SLC16A7: variants seen among roughly 807,000 people sequenced by gnomAD.
SLC16A7 encodes solute carrier family 16 member 7, also known as monocarboxylate transporter 2.
SLC16A7 carries 33 observed loss-of-function variants against 34.9 expected under a neutral mutation model. The observed-to-expected ratio is 0.94, with a 90% CI of 0.72 to 1.26. The LOEUF (loss-of-function observed/expected upper bound fraction) is 1.26. Ranked by LOEUF, SLC16A7 falls within the 50% of genes most tolerant of loss-of-function variation. The pLI is 0.00. For missense variants in SLC16A7, 573 were observed against 578.1 expected, an observed-to-expected ratio of 0.99 and a Z score of 0.09; for synonymous variants, 201 against 206.6, an observed-to-expected ratio of 0.97 and a Z score of 0.23.
At chr12:59,650,896 G>T (rs1416991898) in intron 1 of SLC16A7, among the ~76,000 whole-genome samples, 3 of 152,260 alleles carry the variant, frequency 2.0e-5, no homozygotes, top group East Asian at 1.9e-4. Context: ...AAATAAAATT[G>T]CTAAAAGCTC....
rs201152606 is a variant in SLC16A7, at chr12:59,704,858, T to C, written c.57T>C (p.Gly19=). 5 of 1,613,754 alleles carry C rather than the reference T, an allele frequency of 3.1e-6. No individual in the cohort carries two copies. The highest frequency in any genetic ancestry group is 4.2e-6 in the Non-Finnish European group (5 of 1,179,834). ...PVHPPPDGGW[G]WIVVGAAFIS... Reference sequence around the variant, plus strand: ...ATCCACCTCCAGATGGAGGATGGGGTTGGATTGTGGTTGGAGCAGCTTTTA... The same window carrying C: ...ATCCACCTCCAGATGGAGGATGGGGCTGGATTGTGGTTGGAGCAGCTTTTA... Residue 19 remains glycine, a synonymous_variant, in exon 3 of 6, where the codon GGT becomes GGC. Transcript: ENST00000547379.
intron 3 of SLC16A7, among the ~76,000 whole-genome samples, chr12:59,740,987 A>C (rs560092484): frequency 6.6e-6 from 1 of 152,214 alleles, no homozygotes; most frequent in Non-Finnish European, 1.5e-5. Flanking sequence ...TAAAATACCT[A>C]GGAATCCAAT....
intron 1 of SLC16A7, among the ~76,000 whole-genome samples, chr12:59,651,156 A>C (rs548338927): frequency 4.7e-4 from 72 of 152,274 alleles, no homozygotes; most frequent in Non-Finnish European, 9.7e-4. Context: ...TCAATACACC[A>C]CTAAACAAAT....
chr12:59,738,636 G>T (rs879177606), intron 3 of SLC16A7, among the ~76,000 whole-genome samples: 1 of 152,024 alleles, frequency 6.6e-6, no homozygotes, highest in Admixed American at 6.6e-5. Flanking sequence ...TCTTAACAAG[G>T]GTTTATGGCA....
chr12:59,635,376 T>C (rs1342524310), intron 1 of SLC16A7, among the ~76,000 whole-genome samples: 1 of 152,070 alleles, frequency 6.6e-6, no homozygotes, highest in Admixed American at 6.6e-5. Context: ...GAAATCTGGC[T>C]GAAACAAATT....
At chr12:59,759,527 C>T (rs551577438) in intron 3 of SLC16A7, among the ~76,000 whole-genome samples, 42 of 151,946 alleles carry the variant, frequency 2.8e-4, no homozygotes, top group African/African-American at 6.7e-4. Flanking sequence ...TTTTTATTTA[C>T]GTCCCAATGT....
chr12:59,745,627 A>T (rs1300409905), intron 3 of SLC16A7, among the ~76,000 whole-genome samples: 1 of 152,240 alleles, frequency 6.6e-6, no homozygotes, highest in Non-Finnish European at 1.5e-5. Context: ...AACATGCCAT[A>T]ATATAGAACT....
chr12:59,748,500 C>A (rs1386258342), intron 3 of SLC16A7, among the ~76,000 whole-genome samples: 1 of 152,080 alleles, frequency 6.6e-6, no homozygotes, highest in African/African-American at 2.4e-5. Flanking sequence ...AAAAAATGGG[C>A]TCTCAGAGTT....
intron 1 of SLC16A7, among the ~76,000 whole-genome samples, chr12:59,653,122 A>G (rs1190924756): frequency 2.6e-5 from 4 of 151,894 alleles, no homozygotes; most frequent in Admixed American, 2.6e-4. Flanking sequence ...TCTTTAAGAC[A>G]AATGAAACTT....
In SLC16A7 at chr12:59,614,178, G is replaced by A. The variant is rs117220737; in HGVS notation, c.-130+17942G>A. On this transcript the variant is annotated intron_variant, in intron 1 of 5. Coordinates refer to ENST00000547379, the MANE Select transcript of SLC16A7 (RefSeq NM_001270623.2). Reference sequence around the variant, plus strand: ...CTATTCGTGTGCCTCAGCCTCCTGAGTAACTGTGGCTACATGTGCTATTAA... The same window carrying A: ...CTATTCGTGTGCCTCAGCCTCCTGAATAACTGTGGCTACATGTGCTATTAA... Among the ~76,000 whole-genome samples, 11 of 151,944 alleles carry A rather than the reference G, an allele frequency of 7.2e-5. No homozygotes were observed. The East Asian group carries it at 2.2e-3, about 30-fold the overall frequency.
chr12:59,707,885 C>A (rs1873770220), intron 3 of SLC16A7, among the ~76,000 whole-genome samples: 1 of 152,108 alleles, frequency 6.6e-6, no homozygotes, highest in Admixed American at 6.6e-5. Context: ...ATTCTGCTCA[C>A]CTTTGGTCCT....
intron 2 of SLC16A7, among the ~76,000 whole-genome samples, chr12:59,697,958 G>T (rs958749616): frequency 2.6e-5 from 4 of 151,508 alleles, no homozygotes; most frequent in African/African-American, 9.7e-5. Flanking sequence ...TGAGAACTTG[G>T]GGTACAATAA....
chr12:59,721,724 A>T (rs1291095204), intron 3 of SLC16A7, among the ~76,000 whole-genome samples: 1 of 152,000 alleles, frequency 6.6e-6, no homozygotes, highest in East Asian at 1.9e-4. Flanking sequence ...GTTTCTCAGG[A>T]CTTCAATGCT....
At chr12:59,663,848 T>A (rs959016943) in intron 2 of SLC16A7, among the ~76,000 whole-genome samples, 1 of 152,138 alleles carries the variant, frequency 6.6e-6, no homozygotes, top group African/African-American at 2.4e-5. Flanking sequence ...TTATTTATGT[T>A]ATTACCTGGT....
chr12:59,597,862 CT>C (rs542210672), intron 1 of SLC16A7, among the ~76,000 whole-genome samples: 51 of 152,282 alleles, frequency 3.3e-4, no homozygotes, highest in African/African-American at 9.1e-4. Context: ...TTACATATTA[CT>C]TTTTTCCCCC....
chr12:59,774,089 A>G (rs1206733844), intron 4 of SLC16A7, among the ~76,000 whole-genome samples: 1 of 152,210 alleles, frequency 6.6e-6, no homozygotes, highest in Non-Finnish European at 1.5e-5. Flanking sequence ...GCATCTATAT[A>G]CATTAAATGT....
At chr12:59,737,900 G>A (rs1877786056) in intron 3 of SLC16A7, among the ~76,000 whole-genome samples, 1 of 152,092 alleles carries the variant, frequency 6.6e-6, no homozygotes, top group Non-Finnish European at 1.5e-5. Flanking sequence ...GTAGGTCACT[G>A]GTCTAAACTA....
chr12:59,677,643 C>T (rs1460496159), intron 2 of SLC16A7, among the ~76,000 whole-genome samples: 1 of 152,172 alleles, frequency 6.6e-6, no homozygotes, highest in Non-Finnish European at 1.5e-5. Flanking sequence ...TTCTAGATTA[C>T]TTGCAGTAGA....
chr12:59,741,109 T>A (rs573132371), intron 3 of SLC16A7, among the ~76,000 whole-genome samples: 1 of 152,098 alleles, frequency 6.6e-6, no homozygotes, highest in South Asian at 2.1e-4. Context: ...TTAGGAAGAA[T>A]CAATATCATG....
Sources: allele counts gnomAD v4.1 joint callset (sites outside exome capture counted in the v4.1 genomes callset), GRCh38; gene constraint gnomAD v4.1.1; transcripts MANE v1.5; gene names NCBI Gene and HGNC (gene_info 2026-07-23, HGNC 2026-07-21).